STX8: variants seen among roughly 807,000 people sequenced by gnomAD.
STX8 encodes the protein syntaxin 8.
STX8 carries 23 observed loss-of-function variants against 37.5 expected under a neutral mutation model. That is an observed-to-expected ratio of 0.61 (90% CI 0.44 to 0.87). STX8 has a LOEUF of 0.87. STX8 is among the 40% of genes least tolerant of loss of function. The pLI is 0.00. For synonymous variants in STX8, 115 were observed against 99.1 expected, an observed-to-expected ratio of 1.16 and a Z score of -0.95; for missense variants, 313 against 284.7, an observed-to-expected ratio of 1.10 and a Z score of -0.71.
intron 6 of STX8, among the ~76,000 whole-genome samples, chr17:9,471,421 G>T (rs988849892): frequency 6.6e-6 from 1 of 151,934 alleles, no homozygotes; most frequent in Non-Finnish European, 1.5e-5. Context: ...AAAGTGCTGG[G>T]ATTACAGGCA....
At chr17:9,434,011 CT>C (rs11340373) in intron 6 of STX8, among the ~76,000 whole-genome samples, 83,819 of 150,584 alleles carry the variant, frequency 0.56, 24,755 homozygotes, top group African/African-American at 0.75. Flanking sequence ...ATGTCAGGAT[CT>C]TTTTTTTTTG....
intron 6 of STX8, among the ~76,000 whole-genome samples, chr17:9,449,476 C>T (rs936570348): frequency 4.6e-5 from 7 of 152,154 alleles, no homozygotes; most frequent in Non-Finnish European, 1.0e-4. Flanking sequence ...AGGAGAATGG[C>T]GTGAACCCCG....
chr17:9,381,084 T>C (rs145253670), intron 6 of STX8, among the ~76,000 whole-genome samples: 52 of 152,302 alleles, frequency 3.4e-4, no homozygotes, highest in African/African-American at 1.1e-3. Context: ...CTAGGGGCAA[T>C]AGGCCATACC....
rs75725695 is a variant in STX8 at position 9,327,583 on chromosome 17, C to G, written c.643+50969G>C. 2.1e-3 allele frequency among the ~76,000 whole-genome samples: 314 copies of G among 152,220 alleles called. 4 individuals carry two copies. Among genetic ancestry groups the G allele is most frequent in the African/African-American group, 6.8e-3 (282 of 41,520 alleles). ...TCTGTTTGGATTCTTCCTGGTCTCT[C>G]TGTGTGGCATTCCTTCCACCTGGGT... On this transcript the variant is annotated intron_variant, in intron 7 of 7. Coordinates refer to ENST00000306357, the MANE Select transcript of STX8 (RefSeq NM_004853.3).
At chr17:9,440,850 T>G (rs1322703243) in intron 6 of STX8, among the ~76,000 whole-genome samples, 2 of 152,102 alleles carry the variant, frequency 1.3e-5, no homozygotes, top group Non-Finnish European at 2.9e-5. Flanking sequence ...CCACAGTTAC[T>G]GTCATTTTGA....
intron 6 of STX8, among the ~76,000 whole-genome samples, chr17:9,457,597 T>C (rs997674321): frequency 2.0e-5 from 3 of 152,262 alleles, no homozygotes; most frequent in Admixed American, 6.5e-5. Flanking sequence ...GCCTAGGACA[T>C]GGATATCTCT....
At position 9,514,244 on chromosome 17, in the gene STX8, T is replaced by C. The variant is rs185296858; in HGVS notation, c.324-9082A>G. ...GCTAATTATCCTGACTGGCTCATTA[T>C]ATATTACATGTATGAAAACATCACT... is the stretch of plus-strand genomic sequence containing the variant. On this transcript the variant is annotated intron_variant, in intron 4 of 7. Transcript: ENST00000306357. Among the ~76,000 whole-genome samples the C allele has an allele frequency of 2.4e-3, 368 of 152,338 alleles. 4 individuals are homozygous for C. Among genetic ancestry groups the C allele is most frequent in the Non-Finnish European group, 2.0e-3 (134 of 68,030 alleles).
At chr17:9,253,207 G>GGGGT (rs750265739) in intron 7 of STX8, among the ~76,000 whole-genome samples, 217 of 141,026 alleles carry the variant, frequency 1.5e-3, no homozygotes, top group Non-Finnish European at 2.2e-3. Flanking sequence ...CAGGGGTAGG[G>GGGGT]GTGTGTGTGT....
chr17:9,528,142 C>CT (rs1905654431), intron 4 of STX8, among the ~76,000 whole-genome samples: 1 of 152,028 alleles, frequency 6.6e-6, no homozygotes, highest in African/African-American at 2.4e-5. Context: ...GAAAGGAAAA[C>CT]TTTTTTTAGG....
chr17:9,513,086 A>G (rs974724159), intron 4 of STX8, among the ~76,000 whole-genome samples: 9 of 152,182 alleles, frequency 5.9e-5, no homozygotes, highest in Non-Finnish European at 1.3e-4. Context: ...ATAGAGTGAA[A>G]AGACAATCTA....
chr17:9,530,328 A>T (rs929542538), intron 4 of STX8, among the ~76,000 whole-genome samples: 1 of 146,146 alleles, frequency 6.8e-6, no homozygotes, highest in Non-Finnish European at 1.5e-5. Context: ...AAAAAAAAAA[A>T]CAGCACTGCT....
intron 7 of STX8, among the ~76,000 whole-genome samples, chr17:9,289,482 T>C (rs912555557): frequency 6.6e-6 from 1 of 151,938 alleles, no homozygotes; most frequent in Admixed American, 6.6e-5. Context: ...AAAAGACAGA[T>C]TATTTGATGT....
rs73973792 is a variant in STX8 at position 9,507,579 on chromosome 17, T to G, written c.324-2417A>C. Among the ~76,000 whole-genome samples the G allele has an allele frequency of 0.024, 3,689 of 152,204 alleles. 152 individuals are homozygous for G. The highest frequency in any genetic ancestry group is 0.084 in the African/African-American group (3,493 of 41,536). On this transcript the variant is annotated intron_variant, in intron 4 of 7. Coordinates refer to ENST00000306357, the MANE Select transcript of STX8 (RefSeq NM_004853.3). This position sits in a 1 kb window ranked among gnomAD's most constrained non-coding sequence, Gnocchi z 4.0. ...CTGAGAAACAGCCCAACAGGCCACC[T>G]CTGGCAGGCATACTCCCAGACTGGC...
chr17:9,483,857 C>T (rs1906458135), intron 6 of STX8, among the ~76,000 whole-genome samples: 2 of 152,136 alleles, frequency 1.3e-5, no homozygotes, highest in African/African-American at 2.4e-5. Flanking sequence ...CTCAATAATC[C>T]AGCATCTTGG....
intron 7 of STX8, among the ~76,000 whole-genome samples, chr17:9,312,127 G>C (rs1299368721): frequency 6.6e-6 from 1 of 152,012 alleles, no homozygotes; most frequent in African/African-American, 2.4e-5. Flanking sequence ...TTACAGGTGT[G>C]AGCCACTGCG....
chr17:9,270,310 TCTC>T, intron 7 of STX8, among the ~76,000 whole-genome samples: 1 of 152,316 alleles, frequency 6.6e-6, no homozygotes, highest in East Asian at 1.9e-4. Flanking sequence ...AGTGGCGCGA[TCTC>T]AGCTCACTGC....
chr17:9,338,537 A>G (rs1189365267), intron 7 of STX8, among the ~76,000 whole-genome samples: 2 of 151,898 alleles, frequency 1.3e-5, no homozygotes, highest in African/African-American at 4.8e-5. Context: ...CTGTTTCTCA[A>G]CCCTCAACTC....
intron 7 of STX8, among the ~76,000 whole-genome samples, chr17:9,318,923 A>T (rs530342374): frequency 9.9e-5 from 15 of 152,210 alleles, no homozygotes; most frequent in Non-Finnish European, 1.8e-4. Context: ...GCAGTTCTCA[A>T]AACAGGGGTG....
intron 2 of STX8, among the ~76,000 whole-genome samples, chr17:9,565,413 C>T (rs779463137): frequency 6.6e-6 from 1 of 151,890 alleles, no homozygotes; most frequent in Non-Finnish European, 1.5e-5. Flanking sequence ...GTCAGGATTT[C>T]GAGACCAGCC....
Sources: gnomAD v4.1 joint callset for allele counts (sites outside exome capture counted in the v4.1 genomes callset) on GRCh38, gnomAD v4.1.1 for gene constraint, Gnocchi (gnomAD v3.1) non-coding constraint, MANE v1.5 for transcripts, NCBI Gene and HGNC (gene_info 2026-07-23, HGNC 2026-07-21) for gene names.